Variants in CXCL13 observed in about 807,000 individuals in gnomAD.
CXCL13 encodes the protein C-X-C motif chemokine 13.
CXCL13 carries 7 observed loss-of-function variants against 12.2 expected under a neutral mutation model. The observed-to-expected ratio is 0.57, with a 90% CI of 0.33 to 1.07. The LOEUF is 1.07. Among genes scored for constraint, CXCL13 ranks in the 50% least tolerant of loss-of-function variants. The pLI, the probability that CXCL13 is intolerant of heterozygous loss-of-function variation, is 0.04. For missense variants in CXCL13, 113 were observed against 127.4 expected (o/e 0.89, Z 0.55); for synonymous variants, 47 against 42.4 (o/e 1.11, Z -0.42).
At chr4:77,515,075 A>G (rs1190281627) in intron 1 of CXCL13, among the ~76,000 whole-genome samples, 1 of 152,136 alleles carries the variant, frequency 6.6e-6, no homozygotes, top group Non-Finnish European at 1.5e-5. Context: ...TCCTTTCCCC[A>G]TTGCTTGTTT....
intron 1 of CXCL13, among the ~76,000 whole-genome samples, chr4:77,541,369 G>A (rs545335024): frequency 1.3e-5 from 2 of 152,130 alleles, no homozygotes; most frequent in East Asian, 1.9e-4. Context: ...TTTTCTTCCA[G>A]GATTCTTAAT....
chr4:77,607,256 A>G (rs1409742452), intron 1 of CXCL13, among the ~76,000 whole-genome samples: 3 of 152,248 alleles, frequency 2.0e-5, no homozygotes, highest in Non-Finnish European at 4.4e-5. Context: ...AAATTTTATT[A>G]TGTGGACTAT....
At chr4:77,593,320 A>G (rs758303893) in intron 1 of CXCL13, among the ~76,000 whole-genome samples, 2 of 152,248 alleles carry the variant, frequency 1.3e-5, no homozygotes, top group Admixed American at 6.5e-5. Flanking sequence ...AATCACTTCC[A>G]ATTTATGGTA....
At chr4:77,604,460 T>A (rs891078083), upstream of CXCL13, among the ~76,000 whole-genome samples, 1 of 152,064 alleles carries the variant, frequency 6.6e-6, no homozygotes, top group Admixed American at 6.5e-5. Flanking sequence ...TATATTTGGA[T>A]TGCCATCATA....
At chr4:77,539,730 A>G (rs1725155839) in intron 1 of CXCL13, among the ~76,000 whole-genome samples, 1 of 152,126 alleles carries the variant, frequency 6.6e-6, no homozygotes, top group South Asian at 2.1e-4. Flanking sequence ...CACCAGTTTC[A>G]GGTGTTTATA....
chr4:77,522,487 T>A (rs1724633362), intron 1 of CXCL13, among the ~76,000 whole-genome samples: 1 of 146,716 alleles, frequency 6.8e-6, no homozygotes, highest in African/African-American at 2.6e-5. Flanking sequence ...AAGTCTGTTT[T>A]ATCAGAGACT....
Position 77,536,637 on chromosome 4 carries a change from A to G in CXCL13, c.-43+24849A>G, listed in dbSNP as rs140811373. On this transcript the variant is annotated intron_variant, in intron 1 of 4. Transcript: ENST00000286758. ...AGCATGGTGCTGGGTAAGAGTAAAT[A>G]CTCCATAAGCATTAGCCATTATTAT... Among the ~76,000 whole-genome samples, 139 of 152,310 alleles carry G rather than the reference A, an allele frequency of 9.1e-4. 2 individuals are homozygous for G. The highest frequency in any genetic ancestry group is 3.1e-3 in the African/African-American group (127 of 41,564).
chr4:77,603,388 G>C (rs763334300), upstream of CXCL13, among the ~76,000 whole-genome samples: 1 of 152,218 alleles, frequency 6.6e-6, no homozygotes, highest in East Asian at 1.9e-4. Flanking sequence ...GGACAAAGGA[G>C]GTAATGGGCT....
At chr4:77,514,556 G>C (rs570320550) in intron 1 of CXCL13, among the ~76,000 whole-genome samples, 3,896 of 147,070 alleles carry the variant, frequency 0.026, 56 homozygotes, top group Middle Eastern at 0.056. Context: ...CTGATGGCCA[G>C]TGATGGTGAG....
At chr4:77,527,491 G>A (rs1724796778) in intron 1 of CXCL13, among the ~76,000 whole-genome samples, 2 of 152,120 alleles carry the variant, frequency 1.3e-5, no homozygotes, top group African/African-American at 2.4e-5. Flanking sequence ...AATTAACCAT[G>A]TGTGTTGGTT....
At chr4:77,598,281 A>G (rs1440773372) in intron 1 of CXCL13, among the ~76,000 whole-genome samples, 1 of 152,192 alleles carries the variant, frequency 6.6e-6, no homozygotes, top group Non-Finnish European at 1.5e-5. Context: ...TGTATTAGGG[A>G]GACTCTGCAG....
intron 1 of CXCL13, among the ~76,000 whole-genome samples, chr4:77,529,303 T>C (rs549985320): frequency 3.9e-5 from 6 of 152,282 alleles, no homozygotes; most frequent in East Asian, 1.9e-4. Flanking sequence ...TAGATTTTTC[T>C]AATTCTGTGA....
chr4:77,600,903 T>G (rs1454507330), upstream of CXCL13, among the ~76,000 whole-genome samples: 1 of 152,158 alleles, frequency 6.6e-6, no homozygotes, highest in Non-Finnish European at 1.5e-5. Context: ...CAAAAAAATC[T>G]CAAACCTCAC....
Position 77,605,854 on chromosome 4 carries a change from C to T in CXCL13, c.-12C>T. ...ACTCAGAGCTCAAGTCTGAACTCTA[C>T]CTCCAGACAGAATGAAGTTCATCTC... On this transcript the variant is annotated 5_prime_UTR_variant, in exon 1 of 4. Transcript: ENST00000682537. 2.5e-6 allele frequency: 4 copies of T among 1,596,988 alleles called. No homozygotes were observed. The highest frequency in any genetic ancestry group is 2.6e-6 in the Non-Finnish European group (3 of 1,167,708).
chr4:77,532,187 G>A (rs1724944388), intron 1 of CXCL13, among the ~76,000 whole-genome samples: 1 of 152,220 alleles, frequency 6.6e-6, no homozygotes, highest in South Asian at 2.1e-4. Context: ...GCTGGTACCA[G>A]TTGTTCCTTT....
At chr4:77,528,877 G>T (rs1300412023) in intron 1 of CXCL13, among the ~76,000 whole-genome samples, 2 of 152,166 alleles carry the variant, frequency 1.3e-5, no homozygotes, top group African/African-American at 4.8e-5. Flanking sequence ...AAATGGTATT[G>T]CCTAGGTTTT....
chr4:77,602,151 C>T (rs1031956378), upstream of CXCL13, among the ~76,000 whole-genome samples: 4 of 152,178 alleles, frequency 2.6e-5, no homozygotes, highest in African/African-American at 9.7e-5. Context: ...TGTTTAATAC[C>T]TGTTGACTAC....
chr4:77,589,992 C>T (rs1726569226), intron 1 of CXCL13, among the ~76,000 whole-genome samples: 2 of 152,042 alleles, frequency 1.3e-5, no homozygotes, highest in African/African-American at 4.8e-5. Flanking sequence ...TCCCATATGC[C>T]GCAAGTACGT....
chr4:77,556,611 T>G (rs1316753855), intron 1 of CXCL13, among the ~76,000 whole-genome samples: 1 of 152,186 alleles, frequency 6.6e-6, no homozygotes, highest in African/African-American at 2.4e-5. Context: ...TCATTAAGAT[T>G]GATTTATATA....
Sources: gnomAD v4.1 joint callset for allele counts (sites outside exome capture counted in the v4.1 genomes callset) on GRCh38, gnomAD v4.1.1 for gene constraint, MANE v1.5 for transcripts, NCBI Gene and HGNC (gene_info 2026-07-23, HGNC 2026-07-21) for gene names.